ZNF12: variants seen among roughly 807,000 people sequenced by gnomAD.
ZNF12 encodes the protein zinc finger protein 12, also known as gonadotropin inducible transcription repressor 3.
A neutral mutation model predicts 66.6 loss-of-function variants in ZNF12; 34 were observed. The ratio of observed to expected loss-of-function variants is 0.51; its 90% CI spans 0.39 to 0.68. The LOEUF (loss-of-function observed/expected upper bound fraction) is 0.68. Ranked by LOEUF, ZNF12 falls within the 30% of genes least tolerant of loss-of-function variation. ZNF12 has a pLI of 0.00. For missense variants in ZNF12, 697 were observed against 826.9 expected, an observed-to-expected ratio of 0.84 and a Z score of 1.93; for synonymous variants, 320 against 278.9, an observed-to-expected ratio of 1.15 and a Z score of -1.47.
At chr7:6,700,533 G>T (rs1179109151) in intron 2 of ZNF12, among the ~76,000 whole-genome samples, 5 of 152,046 alleles carry the variant, frequency 3.3e-5, no homozygotes, top group African/African-American at 1.2e-4. Flanking sequence ...CCTCTGTCTA[G>T]CATCTCAGCT....
chr7:6,705,055 G>T lies in ZNF12; in HGVS notation c.15+104C>A, dbSNP rs1183354131. ...CTACTGTTCTGTCTGACCAAATCTT[G>T]TATCTATTTCTACTTTCCCATTTTA... On this transcript the variant is annotated intron_variant, in intron 2 of 4. Transcript: ENST00000405858. The surrounding 1 kb of genome is among the most constrained non-coding windows in gnomAD (Gnocchi z 4.0). The T allele has an allele frequency of 4.4e-6, 6 of 1,358,962 alleles. No homozygotes were observed. The highest frequency in any genetic ancestry group is 4.3e-5 in the South Asian group (3 of 69,200). 84.2% of individuals were successfully genotyped at this position (1,358,962 alleles called of 1,614,324 possible). A position where few individuals can be genotyped will look rare whatever the true frequency, so the allele number is the denominator to read the frequency against.
chr7:6,704,984 C>T (rs1335440078), intron 2 of ZNF12, among the ~76,000 whole-genome samples, 175 bp downstream of exon 2: 2 of 152,146 alleles, frequency 1.3e-5, no homozygotes, highest in Non-Finnish European at 2.9e-5. Context: ...TTAAGGATCA[C>T]GCTATCTGCG....
At position 6,688,437 on chromosome 7, in the gene ZNF12, C is replaced by T. The variant is rs944579099; in HGVS notation, c.*2411G>A. On this transcript the variant is annotated 3_prime_UTR_variant, in exon 5 of 5. Transcript: ENST00000405858. This position sits in a 1 kb window ranked among gnomAD's most constrained non-coding sequence, Gnocchi z 4.3. The stretch of plus-strand genomic sequence containing the variant: ...TAAGAAGAAAATGCCAAGCCATTTA[C>T]AGTTTTCAAATATTTTACTGAAAAT... The T allele has an allele frequency of 2.0e-5, 3 of 152,174 alleles. No homozygotes were observed. Among genetic ancestry groups the T allele is most frequent in the East Asian group, 1.9e-4 (1 of 5,204 alleles). 9.4% of individuals were successfully genotyped at this position (152,174 alleles called of 1,614,324 possible).
rs756837287 is a variant in ZNF12, at chr7:6,692,045, A to G, written c.897T>C (p.Cys299=). The G allele has an allele frequency of 1.9e-5, 31 of 1,613,496 alleles. No homozygotes were observed. In the Admixed American group the frequency reaches 3.3e-4, roughly 17 times the overall value. The change falls in exon 5 of 5, where the codon TGT becomes TGC. Residue 299 remains cysteine (C), a synonymous_variant. Coordinates refer to ENST00000405858, the MANE Select transcript of ZNF12 (RefSeq NM_016265.4). The surrounding 1 kb of genome is among the most constrained non-coding windows in gnomAD (Gnocchi z 5.1). ...RTHTGEKPYE[C]NQCGKSFCQK... is the part of the protein sequence containing the mutation. ...GGCAGAAGGATTTCCCACACTGATT[A>G]CATTCGTAAGGTTTCTCTCCTGTGT...
Position 6,705,293 on chromosome 7 carries a change from A to T in ZNF12, c.-50-70T>A. ...CTGCCAAGGCGGTCATCTCCCGCCC[A>T]AAACCTACACAGAAAGTTCCAAGAA... On this transcript the variant is annotated intron_variant, in intron 1 of 4. Transcript: ENST00000405858. The surrounding 1 kb of genome is among the most constrained non-coding windows in gnomAD (Gnocchi z 4.0). 8.6e-7 allele frequency: 1 copy of T among 1,166,200 alleles called. No individual in the cohort carries two copies. The highest frequency in any genetic ancestry group is 1.2e-6 in the Non-Finnish European group (1 of 802,128). The allele number at this position is 1,166,200 out of a possible 1,614,324, so 72.2% of individuals were successfully genotyped here. A position where few individuals can be genotyped will look rare whatever the true frequency, so the allele number is the denominator to read the frequency against.
Position 6,697,293 on chromosome 7 carries a change from A to G in ZNF12, c.238+46T>C, listed in dbSNP as rs1165654390. ...GGGACCATTAAAAAATCCCTGGGAA[A>G]AACACTCCCAAGTTACCGATCTCCT... On this transcript the variant is annotated intron_variant, in intron 4 of 4. Transcript: ENST00000405858. The surrounding 1 kb of genome is among the most constrained non-coding windows in gnomAD (Gnocchi z 6.1). 1 of 1,479,312 alleles carries G rather than the reference A, an allele frequency of 6.8e-7. No individual in the cohort carries two copies. Among genetic ancestry groups the G allele is most frequent in the South Asian group, 1.2e-5 (1 of 83,020 alleles). 91.6% of individuals were successfully genotyped at this position (1,479,312 alleles called of 1,614,324 possible). A position where few individuals can be genotyped will look rare whatever the true frequency, so the allele number is the denominator to read the frequency against.
In ZNF12 at chr7:6,706,511, C is replaced by G. The variant is rs1354825946; in HGVS notation, c.-130G>C. Reference sequence around the variant, plus strand: ...TTGCTGTCGCGGGCGCGCGTCTGCTCGCGAGGTCCCTTCCTGTCCACCTCA... The same window carrying G: ...TTGCTGTCGCGGGCGCGCGTCTGCTGGCGAGGTCCCTTCCTGTCCACCTCA... On this transcript the variant is annotated 5_prime_UTR_variant, in exon 1 of 5. Coordinates refer to ENST00000405858, the MANE Select transcript of ZNF12 (RefSeq NM_016265.4). 1 of 471,216 alleles carries G rather than the reference C, an allele frequency of 2.1e-6. No individual in the cohort carries two copies. Among genetic ancestry groups the G allele is most frequent in the East Asian group, 6.6e-5 (1 of 15,118 alleles). The allele number at this position is 471,216 out of a possible 1,614,324, so 29.2% of individuals were successfully genotyped here.
At chr7:6,704,108 C>T (rs1161289776) in intron 2 of ZNF12, 1 of 152,076 alleles carries the variant, frequency 6.6e-6, no homozygotes, top group Non-Finnish European at 1.5e-5. Flanking sequence ...GGGCAAATCA[C>T]TTGGCACTTG....
chr7:6,691,687 A>G lies in ZNF12; in HGVS notation c.1255T>C (p.Cys419Arg), dbSNP rs1352558343. The change falls in exon 5 of 5, where the codon TGC (cysteine) becomes CGC (arginine). Residue 419 changes from cysteine (C) to arginine (R), a missense_variant. Physicochemically the swap from Cys to Arg is radical, Grantham distance 180. Around this residue, in one of 3 missense-constraint regions of ZNF12, gnomAD observed 401 missense variants for 519.0 expected, o/e 0.77. Transcript: ENST00000405858. Reference sequence around the variant, plus strand: ...TGGGTCGTGAGAGTAGACTTGCGGCAGAAGCATTTCCCACATTCACTACAC... The same window carrying G: ...TGGGTCGTGAGAGTAGACTTGCGGCGGAAGCATTTCCCACATTCACTACAC... ...YKCSECGKCF[C>R]RKSTLTTHLR... 21 of 1,613,904 alleles carry G rather than the reference A, an allele frequency of 1.3e-5. No homozygotes were observed. Among genetic ancestry groups the G allele is most frequent in the East Asian group, 2.2e-5 (1 of 44,872 alleles).
rs969907356 is a variant in ZNF12, at chr7:6,705,088, A to G, written c.15+71T>C. 1.3e-6 allele frequency: 2 copies of G among 1,547,700 alleles called. No homozygotes were observed. Among genetic ancestry groups the G allele is most frequent in the Admixed American group, 2.0e-5 (1 of 50,906 alleles). On this transcript the variant is annotated intron_variant, in intron 2 of 4. Coordinates refer to ENST00000405858, the MANE Select transcript of ZNF12 (RefSeq NM_016265.4). This position sits in a 1 kb window ranked among gnomAD's most constrained non-coding sequence, Gnocchi z 4.0. ...TTCTACTTTCCCATTTTAAACTTTGAACCCTTAATCTCCTCCTAAGGTGTA... is the reference window on the plus strand; with the variant it reads ...TTCTACTTTCCCATTTTAAACTTTGGACCCTTAATCTCCTCCTAAGGTGTA...
chr7:6,698,233 C>T lies in ZNF12; in HGVS notation c.16-422G>A, dbSNP rs111674162. Among the ~76,000 whole-genome samples the T allele has an allele frequency of 2.1e-3, 323 of 150,750 alleles. No homozygotes were observed. Among genetic ancestry groups the T allele is most frequent in the Non-Finnish European group, 3.6e-3 (241 of 67,824 alleles). Reference sequence around the variant, plus strand: ...CTCCCTGGTCACTCCTTCTCAGTCCCTTTGCTGGCTCCTCCTCTACTCCAA... The same window carrying T: ...CTCCCTGGTCACTCCTTCTCAGTCCTTTTGCTGGCTCCTCCTCTACTCCAA... On this transcript the variant is annotated intron_variant, in intron 2 of 4. Transcript: ENST00000405858. The surrounding 1 kb of genome is among the most constrained non-coding windows in gnomAD (Gnocchi z 4.4).
intron 2 of ZNF12, among the ~76,000 whole-genome samples, chr7:6,700,470 C>T (rs963537740): frequency 2.6e-5 from 4 of 152,036 alleles, no homozygotes; most frequent in Non-Finnish European, 5.9e-5. Flanking sequence ...TCTAAGTGAT[C>T]TTCCTGAGAA....
At chr7:6,694,899 C>A (rs1223399015) in intron 4 of ZNF12, among the ~76,000 whole-genome samples, 1 of 152,148 alleles carries the variant, frequency 6.6e-6, no homozygotes, top group African/African-American at 2.4e-5. Context: ...ATGTAAAATG[C>A]TGAGTTTTAA....
In ZNF12 at chr7:6,698,064, G is replaced by C; in HGVS notation, c.16-253C>G. ...AGCCAGAAACAATCCTGGCTGTTGG[G>C]AACTCTTAACACCAGCAGGGACGAA... On this transcript the variant is annotated intron_variant, in intron 2 of 4. Transcript: ENST00000405858. This position sits in a 1 kb window ranked among gnomAD's most constrained non-coding sequence, Gnocchi z 4.4. The C allele has an allele frequency of 1.5e-6, 1 of 689,154 alleles. No homozygotes were observed. Among genetic ancestry groups the C allele is most frequent in the Non-Finnish European group, 2.7e-6 (1 of 371,306 alleles). The allele number at this position is 689,154 out of a possible 1,614,324, so 42.7% of individuals were successfully genotyped here.
chr7:6,706,654 G>A lies in ZNF12; in HGVS notation c.-273C>T, dbSNP rs1035877360. 14 of 370,682 alleles carry A rather than the reference G, an allele frequency of 3.8e-5. No homozygotes were observed. The highest frequency in any genetic ancestry group is 2.0e-4 in the African/African-American group (9 of 45,190). The allele number at this position is 370,682 out of a possible 1,614,324, so 23.0% of individuals were successfully genotyped here. A position where few individuals can be genotyped will look rare whatever the true frequency, so the allele number is the denominator to read the frequency against. ...GGGCTCACCGTCCTGCGGAGCCGGG[G>A]CCGGGCCGTCGAGGACGCACACGGG... On this transcript the variant is annotated 5_prime_UTR_variant, in exon 1 of 5. Coordinates refer to ENST00000405858, the MANE Select transcript of ZNF12 (RefSeq NM_016265.4).
Position 6,697,984 on chromosome 7 carries a change from G to A in ZNF12, c.16-173C>T. The A allele has an allele frequency of 2.3e-6, 2 of 879,806 alleles. No homozygotes were observed. The highest frequency in any genetic ancestry group is 1.9e-6 in the Non-Finnish European group (1 of 526,942). 54.5% of individuals were successfully genotyped at this position (879,806 alleles called of 1,614,324 possible). ...AATACACTGTTCTGGGGTTCATTCA[G>A]TATACATCAAACAAAAAACAAAAAA... On this transcript the variant is annotated intron_variant, in intron 2 of 4. Transcript: ENST00000405858. The surrounding 1 kb of genome is among the most constrained non-coding windows in gnomAD (Gnocchi z 6.1).
intron 2 of ZNF12, among the ~76,000 whole-genome samples, chr7:6,700,336 C>CACACACACACAT (rs59783256): frequency 0.025 from 3,504 of 142,828 alleles, 139 homozygotes; most frequent in African/African-American, 0.077. Context: ...CACACACACA[C>CACACACACACAT]ATATATATAC....
intron 4 of ZNF12, among the ~76,000 whole-genome samples, chr7:6,695,651 C>A (rs1019101598): frequency 1.3e-5 from 2 of 152,348 alleles, no homozygotes; most frequent in Middle Eastern, 3.4e-3. Flanking sequence ...GGATAACATG[C>A]CCCTTTCCTT....
intron 4 of ZNF12, among the ~76,000 whole-genome samples, chr7:6,693,416 A>G (rs537331713): frequency 1.3e-5 from 2 of 152,382 alleles, no homozygotes; most frequent in South Asian, 4.1e-4. Context: ...GAAATATAAA[A>G]TAGTCCACAG....
Sources: gnomAD v4.1 joint callset for allele counts (sites outside exome capture counted in the v4.1 genomes callset) on GRCh38, gnomAD v4.1.1 for gene constraint, gnomAD v4.1.1 regional missense constraint, Gnocchi (gnomAD v3.1) non-coding constraint, MANE v1.5 for transcripts, NCBI Gene and HGNC (gene_info 2026-07-23, HGNC 2026-07-21) for gene names.